The following ADRM1 variants were observed in gnomAD, a reference collection of about 807,000 sequenced individuals.
The protein encoded by ADRM1 is proteasomal ubiquitin receptor ADRM1.
A neutral mutation model predicts 40.1 loss-of-function variants in ADRM1; 2 were observed. The ratio of observed to expected loss-of-function variants is 0.05; its 90% CI spans 0.02 to 0.16. ADRM1 has a LOEUF of 0.16. Among genes scored for constraint, ADRM1 ranks in the 10% least tolerant of loss-of-function variants. The pLI is 1.00. For missense variants in ADRM1, 467 were observed against 552.5 expected, an observed-to-expected ratio of 0.85 and a Z score of 1.55; for synonymous variants, 287 against 240.4, an observed-to-expected ratio of 1.19 and a Z score of -1.79.
At chr20:62,308,250 C>T in intron 8 of ADRM1, 72 bp downstream of exon 8, 1 of 1,542,702 alleles carries the variant, frequency 6.5e-7, no homozygotes, top group East Asian at 2.3e-5. Context: ...GAGGCCCTGC[C>T]CCACCTTCAC....
rs751757029 is a variant in ADRM1, at chr20:62,307,450, C to T, written c.621C>T (p.Ser207=). Residue 207 remains serine (S), a splice_region_variant and synonymous_variant, in exon 6 of 10, where the codon TCC becomes TCT. Coordinates refer to ENST00000253003, the MANE Select transcript of ADRM1 (RefSeq NM_007002.4). ...SSGPPGSSSS[S]SSRSQSAAVT... is the part of the protein sequence containing the mutation. ...GGCCTCCAGGGAGCAGCTCCTCCTC[C>T]AGGTGAGCCTCATCGCTCCTGCCAC... The T allele has an allele frequency of 6.2e-7, 1 of 1,609,034 alleles. No individual in the cohort carries two copies. Among genetic ancestry groups the T allele is most frequent in the South Asian group, 1.1e-5 (1 of 90,890 alleles).
Position 62,307,603 on chromosome 20 carries a change from A to G in ADRM1, c.631A>G (p.Ser211Gly). ...TGCCCTCTCTCTTCGCAGCTCCCGG[A>G]GCCAGTCGGCAGCGGTCACCCCGTC... is the stretch of plus-strand genomic sequence containing the variant. ...PGSSSSSSSR[S>G]QSAAVTPSST... The change falls in exon 7 of 10, where the codon AGC becomes GGC. Residue 211 changes from serine to glycine, a missense_variant. Physicochemically the swap from Ser to Gly is moderately conservative, Grantham distance 56. Around this residue, in one of 3 missense-constraint regions of ADRM1, gnomAD observed 418 missense variants for 474.6 expected, o/e 0.88. Coordinates refer to ENST00000253003, the MANE Select transcript of ADRM1 (RefSeq NM_007002.4). 1 of 1,610,858 alleles carries G rather than the reference A, an allele frequency of 6.2e-7. No homozygotes were observed. The highest frequency in any genetic ancestry group is 8.5e-7 in the Non-Finnish European group (1 of 1,179,644).
chr20:62,306,797 T>A (rs967013168), intron 5 of ADRM1, 63 bp downstream of exon 5: 1 of 1,430,734 alleles, frequency 7.0e-7, no homozygotes, highest in South Asian at 1.3e-5. Flanking sequence ...GCCCGGTCTC[T>A]GTTTCCTTTA....
rs1317367587 is a variant in ADRM1, at chr20:62,306,750, CG to C, written c.541+19del. The C allele has an allele frequency of 1.7e-5, 27 of 1,583,532 alleles. No homozygotes were observed. Among genetic ancestry groups the C allele is most frequent in the African/African-American group, 2.7e-5 (2 of 74,270 alleles). ...GGAGGACTGGGTAACGTGCGCCACC[CG>C]GGCTCTCGGGCAGCTTCTGCTGGGA... is the stretch of plus-strand genomic sequence containing the variant. On this transcript the variant is annotated intron_variant, in intron 5 of 9. Coordinates refer to ENST00000253003, the MANE Select transcript of ADRM1 (RefSeq NM_007002.4).
chr20:62,308,810 C>T lies in ADRM1; in HGVS notation c.*49C>T, dbSNP rs896321639. ...CTGGGCGCTTGCAGTGCGTTGCACACCCTCACCTCCCACCCACTGATTATT... is the reference window on the plus strand; with the variant it reads ...CTGGGCGCTTGCAGTGCGTTGCACATCCTCACCTCCCACCCACTGATTATT... On this transcript the variant is annotated 3_prime_UTR_variant, in exon 10 of 10. Coordinates refer to ENST00000253003, the MANE Select transcript of ADRM1 (RefSeq NM_007002.4). The T allele has an allele frequency of 4.4e-6, 7 of 1,596,652 alleles. No homozygotes were observed. The African/African-American group carries it at 5.4e-5, about 12-fold the overall frequency.
In ADRM1 at chr20:62,308,834, TTAA is replaced by T; in HGVS notation, c.*77_*79del. 1.3e-6 allele frequency: 2 copies of T among 1,557,464 alleles called. No homozygotes were observed. Among genetic ancestry groups the T allele is most frequent in the Non-Finnish European group, 1.7e-6 (2 of 1,154,818 alleles). ...ACCCTCACCTCCCACCCACTGATTA[TTAA>T]TAAAGTCTTTTCTTTTACCTGCCAA... On this transcript the variant is annotated 3_prime_UTR_variant, in exon 10 of 10. Transcript: ENST00000253003.
At chr20:62,306,873 G>T in intron 5 of ADRM1, 139 bp downstream of exon 5, 1 of 875,364 alleles carries the variant, frequency 1.1e-6, no homozygotes, top group South Asian at 1.7e-5. Flanking sequence ...GTTCCCCTTT[G>T]GGAATGCGCT....
Position 62,303,773 on chromosome 20 carries a change from G to C in ADRM1, c.205G>C (p.Val69Leu), listed in dbSNP as rs767113789. 8 of 1,610,316 alleles carry C rather than the reference G, an allele frequency of 5.0e-6. No individual in the cohort carries two copies. The East Asian group carries it at 1.3e-4, about 27-fold the overall frequency. The change falls in exon 2 of 10, where the codon GTG becomes CTG. Residue 69 changes from valine to leucine, a missense_variant. Coordinates refer to ENST00000253003, the MANE Select transcript of ADRM1 (RefSeq NM_007002.4). ...CTGGAAGGACAGGACGTCCGGGAAC[G>C]TGGAAGACGTGAGTGTCCCTGAGCC... is the stretch of plus-strand genomic sequence containing the variant. ...FCWKDRTSGNVEDDLIIFPDD... is the reference protein window; with the variant it reads ...FCWKDRTSGNLEDDLIIFPDD...
At chr20:62,307,969 A>T in intron 7 of ADRM1, 52 bp from the exon 8 acceptor site, 1 of 1,582,222 alleles carries the variant, frequency 6.3e-7, no homozygotes, top group Non-Finnish European at 8.6e-7. Context: ...CATGCCTTCC[A>T]TGTGGGCACT....
intron 2 of ADRM1, chr20:62,304,252 C>T (rs749511429): frequency 2.3e-5 from 13 of 572,780 alleles, no homozygotes; most frequent in Admixed American, 1.5e-4. Context: ...AGGCCCCTTT[C>T]CCTGCTCTCT....
At chr20:62,305,380 G>C (rs959863502) in intron 3 of ADRM1, 1 of 152,362 alleles carries the variant, frequency 6.6e-6, no homozygotes, top group Non-Finnish European at 1.5e-5. Context: ...CTGTGTTGCT[G>C]GTCACCTGTG....
At chr20:62,305,277 TGCCAGA>T (rs1274640224) in intron 3 of ADRM1, among the ~76,000 whole-genome samples, 1 of 152,164 alleles carries the variant, frequency 6.6e-6, no homozygotes, top group East Asian at 1.9e-4. Context: ...CCATGCTCTC[TGCCAGA>T]GGTGGAGCTG....
chr20:62,306,358 T>C, intron 4 of ADRM1, 38 bp downstream of exon 4: 2 of 1,612,140 alleles, frequency 1.2e-6, no homozygotes, highest in Non-Finnish European at 1.7e-6. Flanking sequence ...CAGGGTTTCC[T>C]GGGAGGCCAG....
intron 5 of ADRM1, among the ~76,000 whole-genome samples, chr20:62,307,124 G>T (rs545289080): frequency 6.6e-6 from 1 of 152,334 alleles, no homozygotes; most frequent in Admixed American, 6.5e-5. Flanking sequence ...GTGGGATCTG[G>T]ACTGAATCTT....
Position 62,308,787 on chromosome 20 carries a change from G to A in ADRM1, c.*26G>A, listed in dbSNP as rs199633453. 1 of 1,611,356 alleles carries A rather than the reference G, an allele frequency of 6.2e-7. No individual in the cohort carries two copies. Among genetic ancestry groups the A allele is most frequent in the African/African-American group, 1.3e-5 (1 of 75,000 alleles). ...GCCACGCGCCGTCCTCCGAGGAACT[G>A]GGCGCTTGCAGTGCGTTGCACACCC... On this transcript the variant is annotated 3_prime_UTR_variant, in exon 10 of 10. Transcript: ENST00000253003.
chr20:62,304,406 CTG>C, intron 2 of ADRM1, 53 bp from the exon 3 acceptor site: 2 of 1,488,012 alleles, frequency 1.3e-6, no homozygotes, highest in East Asian at 2.3e-5. Context: ...TCTCCTGAGA[CTG>C]GGCACAGTGA....
At chr20:62,305,486 C>A (rs1299965511) in intron 3 of ADRM1, 3 of 152,274 alleles carry the variant, frequency 2.0e-5, no homozygotes, top group Non-Finnish European at 4.4e-5. Flanking sequence ...AATTTGCCAC[C>A]TGCTGGTGTA....
intron 3 of ADRM1, 84 bp from the exon 4 acceptor site, chr20:62,306,113 C>T (rs1984914010): frequency 6.5e-7 from 1 of 1,543,628 alleles, no homozygotes; most frequent in Non-Finnish European, 8.8e-7. Context: ...GGTCCCTCAC[C>T]TGGAAGCCAG....
chr20:62,306,336 G>A lies in ADRM1; in HGVS notation c.454+16G>A, dbSNP rs776555050. 1 of 1,612,628 alleles carries A rather than the reference G, an allele frequency of 6.2e-7. No individual in the cohort carries two copies. Among genetic ancestry groups the A allele is most frequent in the South Asian group, 1.1e-5 (1 of 91,074 alleles). On this transcript the variant is annotated intron_variant, in intron 4 of 9. Coordinates refer to ENST00000253003, the MANE Select transcript of ADRM1 (RefSeq NM_007002.4). Reference sequence around the variant, plus strand: ...GCGCTAGGCGGTAACTGTCACATGTGTCACGTGAGCTCAGGGTTTCCTGGG... The same window carrying A: ...GCGCTAGGCGGTAACTGTCACATGTATCACGTGAGCTCAGGGTTTCCTGGG...
Sources: allele counts gnomAD v4.1 joint callset (sites outside exome capture counted in the v4.1 genomes callset), GRCh38; gene constraint gnomAD v4.1.1; regional missense constraint gnomAD v4.1.1; transcripts MANE v1.5; gene names NCBI Gene and HGNC (gene_info 2026-07-23, HGNC 2026-07-21).